The following PCDH7 variants were observed in gnomAD, a reference collection of about 807,000 sequenced individuals.
The protein encoded by PCDH7 is protocadherin-7.
Under a neutral mutation model 58.9 loss-of-function variants are expected in PCDH7, and 17 were observed. That is an observed-to-expected ratio of 0.29 (90% CI 0.20 to 0.43). PCDH7 has a LOEUF of 0.43. Ranked by LOEUF, PCDH7 falls within the 20% of genes least tolerant of loss-of-function variation. The pLI, the probability that PCDH7 is intolerant of heterozygous loss-of-function variation, is 1.00. For synonymous variants in PCDH7, 664 were observed against 616.4 expected, an observed-to-expected ratio of 1.08 and a Z score of -1.14; for missense variants, 1,274 against 1,441.0, an observed-to-expected ratio of 0.88 and a Z score of 1.88.
rs1337945792 is a variant in PCDH7, at chr4:30,899,035, T to G, written c.71-21118T>G. ...TGGAATGGAATATGGAAAAAAAAAGTAACTGAACTTTATGAAGTAATGGAC... is the reference window on the plus strand; with the variant it reads ...TGGAATGGAATATGGAAAAAAAAAGGAACTGAACTTTATGAAGTAATGGAC... On this transcript the variant is annotated intron_variant, in intron 1 of 3. Coordinates refer to the PCDH7 transcript ENST00000509759. Among the ~76,000 whole-genome samples the G allele has an allele frequency of 3.3e-5, 5 of 152,064 alleles. No individual in the cohort carries two copies. In the South Asian group the frequency reaches 6.2e-4, roughly 19 times the overall value.
intron 3 of PCDH7, among the ~76,000 whole-genome samples, chr4:31,113,263 G>T (rs1716550113): frequency 1.3e-5 from 2 of 152,030 alleles, no homozygotes; most frequent in African/African-American, 4.8e-5. Flanking sequence ...CCATTTCTTA[G>T]ACTGTTTAGC....
At chr4:30,956,898 T>A (rs570713233) in intron 3 of PCDH7, among the ~76,000 whole-genome samples, 1 of 152,298 alleles carries the variant, frequency 6.6e-6, no homozygotes, top group African/African-American at 2.4e-5. Flanking sequence ...CAAAAAATTT[T>A]GTATAGAAGA....
intron 3 of PCDH7, among the ~76,000 whole-genome samples, chr4:31,082,971 G>T (rs1241394393): frequency 2.6e-5 from 4 of 152,102 alleles, no homozygotes; most frequent in African/African-American, 4.8e-5. Flanking sequence ...AGCTGGGTGT[G>T]GTGGTGGGCA....
rs1256767316 is a variant in PCDH7 at position 30,723,897 on chromosome 4, G to A, written c.2475G>A (p.Gly825=). 5 of 1,613,700 alleles carry A rather than the reference G, an allele frequency of 3.1e-6. No homozygotes were observed. The South Asian group carries it at 4.4e-5, about 14-fold the overall frequency. ...TGGTGGTGCAAGTGAATGACAGTGG[G>A]CAGCCTTCCCAGTCCACCACGACTC... is the stretch of plus-strand genomic sequence containing the variant. Residue 825 remains glycine, a synonymous_variant, in exon 1 of 2, where the codon GGG becomes GGA. Transcript: ENST00000361762. This position sits in a 1 kb window ranked among gnomAD's most constrained non-coding sequence, Gnocchi z 4.6.
At chr4:30,902,659 G>A (rs1740378945) in intron 1 of PCDH7, among the ~76,000 whole-genome samples, 1 of 150,440 alleles carries the variant, frequency 6.6e-6, no homozygotes, top group South Asian at 2.1e-4. Context: ...TGTAGAAAAT[G>A]CCCATATCTA....
At chr4:30,817,597 A>C (rs1430609425) in intron 1 of PCDH7, among the ~76,000 whole-genome samples, 1 of 152,146 alleles carries the variant, frequency 6.6e-6, no homozygotes, top group Non-Finnish European at 1.5e-5. Context: ...TGCAGTTTTT[A>C]ATACTCATCC....
Position 30,721,750 on chromosome 4 carries a change from C to A in PCDH7, c.328C>A (p.Leu110Met). The change falls in exon 1 of 2, where the codon CTG becomes ATG. Residue 110 changes from leucine to methionine, a missense_variant. Coordinates refer to ENST00000361762, the Ensembl canonical transcript of PCDH7. The surrounding 1 kb of genome is among the most constrained non-coding windows in gnomAD (Gnocchi z 6.7). ...GATCTTCGACGAGAACGAGTGCTTC[C>A]TGGACTTCGAGGTGTCGGTGATCGG... 6.2e-7 allele frequency: 1 copy of A among 1,613,934 alleles called. No individual in the cohort carries two copies. The highest frequency in any genetic ancestry group is 1.1e-5 in the South Asian group (1 of 91,066).
chr4:30,917,518 A>C (rs1742631776), intron 1 of PCDH7, among the ~76,000 whole-genome samples: 1 of 152,006 alleles, frequency 6.6e-6, no homozygotes, highest in African/African-American at 2.4e-5. Flanking sequence ...ATTTATTGTG[A>C]GTTATGTTTT....
At chr4:30,963,986 TC>T (rs1441757286) in intron 3 of PCDH7, among the ~76,000 whole-genome samples, 1 of 152,192 alleles carries the variant, frequency 6.6e-6, no homozygotes, top group African/African-American at 2.4e-5. Context: ...AACACATATG[TC>T]TTATCTTGCT....
intron 1 of PCDH7, among the ~76,000 whole-genome samples, chr4:30,890,039 G>C (rs145386070): frequency 2.0e-5 from 3 of 152,108 alleles, no homozygotes; most frequent in Non-Finnish European, 4.4e-5. Flanking sequence ...TGGTCAGTTC[G>C]GCTTAGGTGT....
rs10715937 is a variant in PCDH7 at position 31,067,374 on chromosome 4, C to CA, written c.*8-75080dup. ...CATCAGGGGAATTTCATCACTGAGACAAAAAAAAAAAAAAAAAAAGCCTAA... is the reference window on the plus strand; with the variant it reads ...CATCAGGGGAATTTCATCACTGAGACAAAAAAAAAAAAAAAAAAAAGCCTAA... On this transcript the variant is annotated intron_variant, in intron 3 of 3. Transcript: ENST00000509759. Among the ~76,000 whole-genome samples, 892 of 109,586 alleles carry CA rather than the reference C, an allele frequency of 8.1e-3. 9 individuals carry two copies. The highest frequency in any genetic ancestry group is 0.012 in the Non-Finnish European group (650 of 52,096). The allele number at this position is 109,586 out of a possible 152,430, so 71.9% of individuals were successfully genotyped here.
In PCDH7 at chr4:30,721,375, C is replaced by G. The variant is rs1441872577; in HGVS notation, c.-48C>G. On this transcript the variant is annotated 5_prime_UTR_variant, in exon 1 of 2. Coordinates refer to ENST00000361762, the Ensembl canonical transcript of PCDH7. This position sits in a 1 kb window ranked among gnomAD's most constrained non-coding sequence, Gnocchi z 6.7. ...GGCCGGCCCCGGAGGAGGGGGGCGC[C>G]GAGGGGGCTGTGGTTAGAAGGAGCA... 4.2e-6 allele frequency: 6 copies of G among 1,427,908 alleles called. No homozygotes were observed. The highest frequency in any genetic ancestry group is 2.8e-5 in the Admixed American group (1 of 35,420). The allele number at this position is 1,427,908 out of a possible 1,614,324, so 88.5% of individuals were successfully genotyped here. A position where few individuals can be genotyped will look rare whatever the true frequency, so the allele number is the denominator to read the frequency against.
intron 1 of PCDH7, among the ~76,000 whole-genome samples, chr4:30,846,078 T>G (rs1049488673): frequency 3.3e-5 from 5 of 152,186 alleles, no homozygotes; most frequent in Non-Finnish European, 7.3e-5. Flanking sequence ...ATCCATACAT[T>G]AAAATTTTAC....
At chr4:31,111,363 A>C (rs1369965268) in intron 3 of PCDH7, among the ~76,000 whole-genome samples, 1 of 149,426 alleles carries the variant, frequency 6.7e-6, no homozygotes, top group Non-Finnish European at 1.5e-5. Flanking sequence ...GCTAGAGTGC[A>C]ATGGTGCCAC....
chr4:30,724,162 G>A, exon 1 of PCDH7: 1 of 1,613,920 alleles, frequency 6.2e-7, no homozygotes, highest in East Asian at 2.2e-5. Flanking sequence ...TGGCTATGAA[G>A]CCGGCAAAAA....
intron 1 of PCDH7, among the ~76,000 whole-genome samples, chr4:30,751,696 T>C (rs1294131703): frequency 6.6e-6 from 1 of 152,184 alleles, no homozygotes; most frequent in Non-Finnish European, 1.5e-5. Flanking sequence ...CTGTGCTTTG[T>C]AGGTGCTTAA....
At chr4:31,137,381 G>C (rs1483027825) in intron 3 of PCDH7, among the ~76,000 whole-genome samples, 1 of 152,136 alleles carries the variant, frequency 6.6e-6, no homozygotes, top group African/African-American at 2.4e-5. Flanking sequence ...TCAGGAGTTC[G>C]AGACCAGCCT....
intron 1 of PCDH7, among the ~76,000 whole-genome samples, chr4:30,844,808 T>C (rs974808203): frequency 6.6e-6 from 1 of 152,194 alleles, no homozygotes; most frequent in East Asian, 1.9e-4. Context: ...CACTAAGGTT[T>C]AACCCTTCTA....
At chr4:30,767,233 A>G (rs1050624059) in intron 1 of PCDH7, among the ~76,000 whole-genome samples, 1 of 152,260 alleles carries the variant, frequency 6.6e-6, no homozygotes, top group Non-Finnish European at 1.5e-5. Context: ...AAGGAAATAT[A>G]AAATGTATTT....
Sources: gnomAD v4.1 joint callset for allele counts (sites outside exome capture counted in the v4.1 genomes callset) on GRCh38, gnomAD v4.1.1 for gene constraint, Gnocchi (gnomAD v3.1) non-coding constraint, MANE v1.5 for transcripts, NCBI Gene and HGNC (gene_info 2026-07-23, HGNC 2026-07-21) for gene names.